The following SAMD5 variants were observed in gnomAD, a reference collection of about 807,000 sequenced individuals.
The protein encoded by SAMD5 is sterile alpha motif domain-containing protein 5.
A neutral mutation model predicts 11.3 loss-of-function variants in SAMD5; 13 were observed. The observed-to-expected ratio is 1.15, with a 90% confidence interval of 0.75 to 1.83. The LOEUF (loss-of-function observed/expected upper bound fraction) is 1.83. Among genes scored for constraint, SAMD5 ranks in the 40% most tolerant of loss-of-function variants. The pLI is 0.00. For synonymous variants in SAMD5, 129 were observed against 111.3 expected, an observed-to-expected ratio of 1.16 and a Z score of -1.00; for missense variants, 255 against 239.1, an observed-to-expected ratio of 1.07 and a Z score of -0.44.
chr6:147,745,923 A>G, the SAMD5 span, among the ~76,000 whole-genome samples: 3 of 151,790 alleles, frequency 2.0e-5, no homozygotes, highest in Non-Finnish European at 2.9e-5. Flanking sequence ...GGTATTTTTA[A>G]TAGAGACGGG....
chr6:147,544,596 A>C (rs1049307491), intron 1 of SAMD5, among the ~76,000 whole-genome samples: 7 of 152,170 alleles, frequency 4.6e-5, no homozygotes, highest in Admixed American at 2.6e-4. Context: ...ATTTTTAGTA[A>C]GGAGATTCAT....
chr6:147,790,911 T>G, the SAMD5 span, among the ~76,000 whole-genome samples: 1 of 151,900 alleles, frequency 6.6e-6, no homozygotes, highest in African/African-American at 2.4e-5. Flanking sequence ...GAAATTTGAC[T>G]CTGTGAAAGT....
chr6:147,726,497 T>C (rs572009829), intron 1 of SAMD5, among the ~76,000 whole-genome samples: 148 of 152,336 alleles, frequency 9.7e-4, no homozygotes, highest in African/African-American at 3.5e-3. Flanking sequence ...TCAGAGGCAG[T>C]CTGTATGCCA....
At chr6:147,591,215 T>C (rs1406509962) in intron 1 of SAMD5, among the ~76,000 whole-genome samples, 3 of 152,108 alleles carry the variant, frequency 2.0e-5, no homozygotes, top group Non-Finnish European at 4.4e-5. Context: ...AATCAACCAT[T>C]TCACAGAATG....
At chr6:147,900,623 G>C in the SAMD5 span, among the ~76,000 whole-genome samples, 1 of 152,148 alleles carries the variant, frequency 6.6e-6, no homozygotes, top group Non-Finnish European at 1.5e-5. Context: ...TAGATAGTTA[G>C]GGGAAAACAG....
intron 1 of SAMD5, among the ~76,000 whole-genome samples, chr6:147,704,802 A>G (rs553407108): frequency 1.3e-5 from 2 of 152,342 alleles, no homozygotes; most frequent in South Asian, 2.1e-4. Flanking sequence ...TGCCAAAAGC[A>G]CTGGTTGAAG....
chr6:147,727,623 G>C (rs1240393578), intron 1 of SAMD5, among the ~76,000 whole-genome samples: 1 of 151,380 alleles, frequency 6.6e-6, no homozygotes, highest in Non-Finnish European at 1.5e-5. Flanking sequence ...TTTCTTCCTA[G>C]ATGATTTTCA....
the SAMD5 span, among the ~76,000 whole-genome samples, chr6:147,876,193 A>G: frequency 6.6e-6 from 1 of 152,172 alleles, no homozygotes; most frequent in East Asian, 1.9e-4. Flanking sequence ...GGGGTCCTGC[A>G]TTTTAATCTT....
At chr6:147,617,714 C>A (rs1344451254) in intron 1 of SAMD5, among the ~76,000 whole-genome samples, 1 of 152,146 alleles carries the variant, frequency 6.6e-6, no homozygotes, top group Non-Finnish European at 1.5e-5. Flanking sequence ...TCTGGGAATG[C>A]GCACAGGGCT....
chr6:147,630,587 CTG>C (rs939016666), intron 1 of SAMD5, among the ~76,000 whole-genome samples: 5 of 152,072 alleles, frequency 3.3e-5, no homozygotes, highest in African/African-American at 9.6e-5. Context: ...CCCCCTTTGA[CTG>C]TAATTTTCCA....
chr6:147,724,492 A>C (rs1431215015), intron 1 of SAMD5, among the ~76,000 whole-genome samples: 1 of 152,212 alleles, frequency 6.6e-6, no homozygotes, highest in Non-Finnish European at 1.5e-5. Context: ...CCTGAAACAA[A>C]AATTCAGATA....
At chr6:147,777,159 T>TC in the SAMD5 span, among the ~76,000 whole-genome samples, 1,432 of 151,902 alleles carry the variant, frequency 9.4e-3, 14 homozygotes, top group Middle Eastern at 0.041. Context: ...ACTTTTTTTT[T>TC]CTCTCTCTCT....
chr6:147,694,671 G>A (rs573272987), intron 1 of SAMD5, among the ~76,000 whole-genome samples: 1 of 152,078 alleles, frequency 6.6e-6, no homozygotes, highest in Admixed American at 6.6e-5. Flanking sequence ...AAAAAAATTA[G>A]CCAGGCACGG....
chr6:147,508,712 G>A lies in SAMD5; in HGVS notation c.-217G>A, dbSNP rs570360212. Among the ~76,000 whole-genome samples the A allele has an allele frequency of 3.5e-4, 53 of 152,300 alleles. No homozygotes were observed. The highest frequency in any genetic ancestry group is 3.4e-3 in the Middle Eastern group (1 of 292). ...GCCAGTGCCTGCGAGCTCCGCTGCT[G>A]CTTGGGGAATTCACTTTGCTGCTTG... is the stretch of plus-strand genomic sequence containing the variant. On this transcript the variant is annotated 5_prime_UTR_variant, in exon 1 of 2. Coordinates refer to ENST00000367474, the MANE Select transcript of SAMD5 (RefSeq NM_001030060.3).
At chr6:147,917,006 A>G in the SAMD5 span, among the ~76,000 whole-genome samples, 5 of 146,348 alleles carry the variant, frequency 3.4e-5, no homozygotes, top group South Asian at 2.3e-4. Context: ...GAATAGTGCC[A>G]CAATAAACAT....
chr6:147,865,803 ATG>A, the SAMD5 span, among the ~76,000 whole-genome samples: 10 of 152,312 alleles, frequency 6.6e-5, no homozygotes, highest in East Asian at 1.9e-3. Flanking sequence ...GACACCTAAT[ATG>A]TTTTGAGTAA....
chr6:147,939,591 A>T, the SAMD5 span, among the ~76,000 whole-genome samples: 61 of 152,338 alleles, frequency 4.0e-4, 3 homozygotes, highest in South Asian at 0.012. Flanking sequence ...TGCCGTGGAG[A>T]TGCCTAACAG....
chr6:147,823,614 C>G, the SAMD5 span, among the ~76,000 whole-genome samples: 1 of 151,988 alleles, frequency 6.6e-6, no homozygotes, highest in African/African-American at 2.4e-5. Context: ...TATCCTGGAA[C>G]TTAAAGTAAA....
intron 1 of SAMD5, among the ~76,000 whole-genome samples, chr6:147,632,726 A>T (rs1241004293): frequency 6.6e-6 from 1 of 152,236 alleles, no homozygotes; most frequent in Non-Finnish European, 1.5e-5. Context: ...TTAAAAGTTT[A>T]TGTAAATGTC....
Sources: gnomAD v4.1 joint callset for allele counts (sites outside exome capture counted in the v4.1 genomes callset) on GRCh38, gnomAD v4.1.1 for gene constraint, MANE v1.5 for transcripts, NCBI Gene and HGNC (gene_info 2026-07-23, HGNC 2026-07-21) for gene names.